OR14A2: variants seen among roughly 807,000 people sequenced by gnomAD.
The protein encoded by OR14A2 is olfactory receptor 14A2.
For synonymous variants in OR14A2, 114 were observed against 58.6 expected (o/e 1.95, Z -4.32); for missense variants, 237 against 152.9 (o/e 1.55, Z -2.90).
chr1:247,728,002 G>GAAC (rs1660420497), upstream of OR14A2, among the ~76,000 whole-genome samples: 6 of 144,778 alleles, frequency 4.1e-5, no homozygotes, highest in South Asian at 1.3e-3. Context: ...GTACAAGGAG[G>GAAC]AACTGGTACC....
At chr1:247,746,535 G>C in the OR14A2 span, 1 of 152,260 alleles carries the variant, frequency 6.6e-6, no homozygotes, top group African/African-American at 2.4e-5. Context: ...TCTTAACATC[G>C]TATAGGACAT....
chr1:247,733,699 C>A, the OR14A2 span, among the ~76,000 whole-genome samples: 1 of 152,022 alleles, frequency 6.6e-6, no homozygotes, highest in African/African-American at 2.4e-5. Context: ...ACAAAATGAA[C>A]AAAAGACAAA....
the OR14A2 span, among the ~76,000 whole-genome samples, chr1:247,745,574 TAGAA>T: frequency 6.6e-6 from 1 of 152,220 alleles, no homozygotes; most frequent in South Asian, 2.1e-4. Flanking sequence ...AAAAGAGTTT[TAGAA>T]AGAAGCTTTA....
chr1:247,733,199 C>T, the OR14A2 span, among the ~76,000 whole-genome samples: 4 of 152,158 alleles, frequency 2.6e-5, no homozygotes, highest in Admixed American at 2.6e-4. Flanking sequence ...AGCTGTGACT[C>T]TCTATATTCA....
the OR14A2 span, chr1:247,738,577 T>C: frequency 1.1e-5 from 8 of 722,988 alleles, no homozygotes; most frequent in Non-Finnish European, 2.0e-5. Context: ...ATGACACTTA[T>C]TTTCCTTTAC....
the OR14A2 span, among the ~76,000 whole-genome samples, chr1:247,732,434 T>C: frequency 6.6e-6 from 1 of 152,302 alleles, no homozygotes. Context: ...CCAGCACTTA[T>C]TCAGGTGTTT....
the OR14A2 span, among the ~76,000 whole-genome samples, chr1:247,729,789 C>A: frequency 6.6e-6 from 1 of 151,880 alleles, no homozygotes; most frequent in Non-Finnish European, 1.5e-5. Context: ...CTTTCCACCC[C>A]ATTGCTCGAG....
chr1:247,730,180 G>A, the OR14A2 span, among the ~76,000 whole-genome samples: 2 of 152,096 alleles, frequency 1.3e-5, no homozygotes, highest in East Asian at 1.9e-4. Context: ...GTCAAAGGTG[G>A]CTCCTGTAGA....
At chr1:247,739,445 T>G in the OR14A2 span, 1 of 780,860 alleles carries the variant, frequency 1.3e-6, no homozygotes, top group East Asian at 2.4e-5. Context: ...TGTTCTATTC[T>G]GTCGCACCTC....
At chr1:247,747,373 T>C in the OR14A2 span, among the ~76,000 whole-genome samples, 1 of 151,564 alleles carries the variant, frequency 6.6e-6, no homozygotes. Flanking sequence ...TTTTTTTTTT[T>C]TTTTCTGAGA....
At chr1:247,734,027 T>C in the OR14A2 span, among the ~76,000 whole-genome samples, 3 of 152,108 alleles carry the variant, frequency 2.0e-5, no homozygotes, top group African/African-American at 7.2e-5. Flanking sequence ...ACAATATCAT[T>C]TATATTATGT....
At chr1:247,724,658 C>T (rs978437597), upstream of OR14A2, among the ~76,000 whole-genome samples, 2 of 152,058 alleles carry the variant, frequency 1.3e-5, no homozygotes, top group African/African-American at 4.8e-5. Context: ...GCAATTCTAA[C>T]ATAATGAATA....
upstream of OR14A2, among the ~76,000 whole-genome samples, chr1:247,728,233 G>A (rs1033378806): frequency 6.6e-6 from 1 of 152,146 alleles, no homozygotes; most frequent in African/African-American, 2.4e-5. Flanking sequence ...CTATGATCAA[G>A]TGGGCTTCAT....
the OR14A2 span, chr1:247,739,358 G>C: frequency 1.3e-6 from 1 of 780,800 alleles, no homozygotes; most frequent in South Asian, 1.3e-5. Flanking sequence ...TTGTCACTGT[G>C]TTTCTTGTAA....
the OR14A2 span, among the ~76,000 whole-genome samples, chr1:247,730,480 T>C: frequency 8.5e-5 from 13 of 152,226 alleles, no homozygotes; most frequent in South Asian, 2.7e-3. Flanking sequence ...CCTCCATTTC[T>C]TCTTTCCTGC....
the OR14A2 span, among the ~76,000 whole-genome samples, chr1:247,743,009 A>T: frequency 6.6e-6 from 1 of 152,234 alleles, no homozygotes; most frequent in Non-Finnish European, 1.5e-5. Flanking sequence ...AGTACTTTTA[A>T]TTAATTTGCA....
At chr1:247,745,529 A>G in the OR14A2 span, among the ~76,000 whole-genome samples, 2 of 152,162 alleles carry the variant, frequency 1.3e-5, no homozygotes, top group Non-Finnish European at 2.9e-5. Flanking sequence ...ATTTAACTAG[A>G]TTGAATAAAA....
chr1:247,734,409 T>C, the OR14A2 span, among the ~76,000 whole-genome samples: 1 of 152,208 alleles, frequency 6.6e-6, no homozygotes, highest in Non-Finnish European at 1.5e-5. Context: ...CCATCTGTAG[T>C]ATTTTGTCAT....
At chr1:247,723,558 A>T (rs903008506) in exon 1 of OR14A2, 1 of 718,300 alleles carries the variant, frequency 1.4e-6, no homozygotes, top group Non-Finnish European at 2.6e-6. Context: ...AAGGCATGGA[A>T]AATGTGCCAG....
Sources: allele counts gnomAD v4.1 joint callset (sites outside exome capture counted in the v4.1 genomes callset), GRCh38; gene constraint gnomAD v4.1.1; transcripts MANE v1.5; gene names NCBI Gene and HGNC (gene_info 2026-07-23, HGNC 2026-07-21).